BSN: variants seen among roughly 807,000 people sequenced by gnomAD.
BSN encodes the protein bassoon presynaptic cytomatrix protein.
Under a neutral mutation model 264.8 loss-of-function variants are expected in BSN, and 57 were observed. That is an observed-to-expected ratio of 0.22 (90% CI 0.17 to 0.27). BSN has a LOEUF of 0.27. Among genes scored for constraint, BSN ranks in the 10% least tolerant of loss-of-function variants. BSN has a pLI of 1.00. For synonymous variants in BSN, 2,059 were observed against 2,137.3 expected, an observed-to-expected ratio of 0.96 and a Z score of 1.01; for missense variants, 4,615 against 5,232.5, an observed-to-expected ratio of 0.88 and a Z score of 3.64.
In BSN at chr3:49,650,845, C is replaced by G; in HGVS notation, c.1752C>G (p.Ser584Arg). Residue 584 changes from serine (S) to arginine (R), a missense_variant, in exon 4 of 12, where the codon AGC (serine) becomes AGG (arginine). Around this residue, in one of 3 missense-constraint regions of BSN, gnomAD observed 1,197 missense variants for 1,348.0 expected, o/e 0.89. Transcript: ENST00000296452. ...CCACCAAGGCCAGCCCTCTGCCCAG[C>G]AAGGCCAGCCCCCAGGCCAAGCCCC... ...PLSTKASPLP[S>R]KASPQAKPLR... 6.2e-7 allele frequency: 1 copy of G among 1,614,188 alleles called. No individual in the cohort carries two copies. The highest frequency in any genetic ancestry group is 1.1e-5 in the South Asian group (1 of 91,088).
chr3:49,658,139 A>C lies in BSN; in HGVS notation c.8583A>C (p.Glu2861Asp). The C allele has an allele frequency of 6.2e-7, 1 of 1,606,148 alleles. No individual in the cohort carries two copies. Among genetic ancestry groups the C allele is most frequent in the South Asian group, 1.1e-5 (1 of 90,630 alleles). The change falls in exon 5 of 12, where the codon GAA becomes GAC. Residue 2861 changes from glutamate (E) to aspartate (D), a missense_variant. Physicochemically the swap from Glu to Asp is conservative, Grantham distance 45. Transcript: ENST00000296452. Reference sequence around the variant, plus strand: ...CTAAGCCCCTCAGCCCCACCGCCGAAGAGTCTGCCAAAGAGAGATTCTCCC... The same window carrying C: ...CTAAGCCCCTCAGCCCCACCGCCGACGAGTCTGCCAAAGAGAGATTCTCCC... ...SDPKPLSPTA[E>D]ESAKERFSLY...
intron 3 of BSN, among the ~76,000 whole-genome samples, chr3:49,647,059 G>A (rs2052507340): frequency 6.6e-6 from 1 of 152,226 alleles, no homozygotes; most frequent in Non-Finnish European, 1.5e-5. Context: ...GGCTGAGGGT[G>A]TTTAGGGCCA....
chr3:49,635,856 G>A (rs1471658058), intron 2 of BSN, among the ~76,000 whole-genome samples: 1 of 151,868 alleles, frequency 6.6e-6, no homozygotes, highest in Non-Finnish European at 1.5e-5. Context: ...CGCCATGCCT[G>A]TAGTCCCATC....
chr3:49,663,659 C>T lies in BSN; in HGVS notation c.11501C>T (p.Ala3834Val). The T allele has an allele frequency of 6.2e-7, 1 of 1,603,616 alleles. No homozygotes were observed. The highest frequency in any genetic ancestry group is 8.5e-7 in the Non-Finnish European group (1 of 1,173,836). Residue 3834 changes from alanine to valine, a missense_variant, in exon 7 of 12, where the codon GCA becomes GTA. By Grantham distance (64) the Ala-to-Val change is moderately conservative. Coordinates refer to ENST00000296452, the MANE Select transcript of BSN (RefSeq NM_003458.4). ...AGCACAGCCACAGGTCCTCAACCAG[C>T]AGGACCGGTAAGCAGAGCTCCCATG... ...GPSTATGPQP[A>V]GPPRAEQTNG...
intron 2 of BSN, among the ~76,000 whole-genome samples, chr3:49,631,864 A>T (rs368662989): frequency 2.6e-5 from 4 of 152,342 alleles, no homozygotes; most frequent in African/African-American, 7.2e-5. Context: ...GGCCCTTCAA[A>T]TAGCCAAAAT....
rs766552409 is a variant in BSN, at chr3:49,554,794, C to CCCCGGCCCCGGT, written c.201_212dup (p.Pro71_Gly74dup). The CCCCGGCCCCGGT allele has an allele frequency of 1.1e-5, 13 of 1,223,376 alleles. No individual in the cohort carries two copies. Among genetic ancestry groups the CCCCGGCCCCGGT allele is most frequent in the East Asian group, 9.7e-5 (3 of 31,000 alleles). The allele number at this position is 1,223,376 out of a possible 1,614,324, so 75.8% of individuals were successfully genotyped here. A position where few individuals can be genotyped will look rare whatever the true frequency, so the allele number is the denominator to read the frequency against. Reference sequence around the variant, plus strand: ...CGGTACCACCGGTCCCTGGCCCCGGCCCCGGCCCCGGTCCCGGCCCTGGCC... The same window carrying CCCCGGCCCCGGT: ...CGGTACCACCGGTCCCTGGCCCCGGCCCCGGCCCCGGTCCCGGCCCCGGTCCCGGCCCTGGCC... On this transcript the variant is annotated inframe_insertion, in exon 1 of 12. Coordinates refer to ENST00000296452, the MANE Select transcript of BSN (RefSeq NM_003458.4).
intron 3 of BSN, among the ~76,000 whole-genome samples, chr3:49,645,046 C>G (rs949832512): frequency 6.6e-6 from 1 of 152,158 alleles, no homozygotes. Context: ...GGTGTTCCCC[C>G]CATCACACCT....
chr3:49,605,139 A>G (rs1034544104), intron 1 of BSN, among the ~76,000 whole-genome samples: 1 of 147,900 alleles, frequency 6.8e-6, no homozygotes, highest in African/African-American at 2.5e-5. Context: ...GGGTGCCTGT[A>G]ATCATAGCTA....
intron 1 of BSN, among the ~76,000 whole-genome samples, chr3:49,561,298 C>A (rs959138799): frequency 6.6e-6 from 1 of 152,154 alleles, no homozygotes; most frequent in Non-Finnish European, 1.5e-5. Context: ...CTGAGGAGAT[C>A]CAAGAGCCTC....
At chr3:49,571,954 A>G (rs181980381) in intron 1 of BSN, among the ~76,000 whole-genome samples, 4 of 152,268 alleles carry the variant, frequency 2.6e-5, no homozygotes, top group Admixed American at 2.6e-4. Flanking sequence ...AGCACATATC[A>G]TTTTGAGAAT....
intron 1 of BSN, among the ~76,000 whole-genome samples, chr3:49,586,538 A>C (rs1336946314): frequency 6.6e-6 from 1 of 152,116 alleles, no homozygotes; most frequent in Non-Finnish European, 1.5e-5. Context: ...ACAGGGTTTC[A>C]CCATGTTGCC....
intron 1 of BSN, among the ~76,000 whole-genome samples, chr3:49,605,531 A>T (rs1235951964): frequency 1.8e-4 from 1 of 5,542 alleles, no homozygotes; most frequent in African/African-American, 1.0e-3. Flanking sequence ...TATAATATAT[A>T]ATATATATTA....
At chr3:49,633,337 A>G (rs866628966) in intron 2 of BSN, among the ~76,000 whole-genome samples, 4 of 152,152 alleles carry the variant, frequency 2.6e-5, no homozygotes, top group Non-Finnish European at 2.9e-5. Flanking sequence ...AAGATACTCA[A>G]CATGACTAAT....
chr3:49,557,768 G>A (rs1378285626), intron 1 of BSN, among the ~76,000 whole-genome samples: 1 of 152,044 alleles, frequency 6.6e-6, no homozygotes. Flanking sequence ...TAGTAGAGAT[G>A]GGATTTCACC....
chr3:49,580,105 TA>T (rs1242686485), intron 1 of BSN, among the ~76,000 whole-genome samples: 2 of 152,188 alleles, frequency 1.3e-5, no homozygotes, highest in African/African-American at 2.4e-5. Context: ...TTGATTATTT[TA>T]TTTTGTTTAT....
At chr3:49,630,090 G>A (rs1383393762) in intron 2 of BSN, among the ~76,000 whole-genome samples, 1 of 152,244 alleles carries the variant, frequency 6.6e-6, no homozygotes, top group Non-Finnish European at 1.5e-5. Context: ...CAGATGGCTC[G>A]GGGGTGGTGC....
intron 1 of BSN, among the ~76,000 whole-genome samples, chr3:49,579,864 A>ATGGT (rs1327395611): frequency 6.7e-6 from 1 of 150,250 alleles, no homozygotes; most frequent in Non-Finnish European, 1.5e-5. Context: ...ATCTTGATAG[A>ATGGT]TGGTTTTTGT....
rs1431312669 is a variant in BSN, at chr3:49,585,206, TTTTAA to T, written c.224+30384_224+30388del. ...GTAGCCCAATTTTTAGTTGTTTTTT[TTTTAA>T]TTTTAATTTTTATTTTATTGAATTA... On this transcript the variant is annotated intron_variant, in intron 1 of 11. Coordinates refer to ENST00000296452, the MANE Select transcript of BSN (RefSeq NM_003458.4). The surrounding 1 kb of genome is among the most constrained non-coding windows in gnomAD (Gnocchi z 4.7). Among the ~76,000 whole-genome samples, 1 of 151,350 alleles carries T rather than the reference TTTTAA, an allele frequency of 6.6e-6. No individual in the cohort carries two copies.
In BSN at chr3:49,656,003, T is replaced by C. The variant is rs1189278269; in HGVS notation, c.6447T>C (p.Leu2149=). The change falls in exon 5 of 12, where the codon CTT becomes CTC. Residue 2149 remains leucine, a synonymous_variant. Coordinates refer to ENST00000296452, the MANE Select transcript of BSN (RefSeq NM_003458.4). Reference sequence around the variant, plus strand: ...TGGTTCCCCTCAGACCTGGACTCCTTGGTAACCCCACCTTTCCAGAGGGCC... The same window carrying C: ...TGGTTCCCCTCAGACCTGGACTCCTCGGTAACCCCACCTTTCCAGAGGGCC... ...QSLVPLRPGL[L]GNPTFPEGHP... is the part of the protein sequence containing the mutation. The C allele has an allele frequency of 6.2e-7, 1 of 1,604,096 alleles. No individual in the cohort carries two copies. Among genetic ancestry groups the C allele is most frequent in the East Asian group, 2.2e-5 (1 of 44,696 alleles).
Sources: allele counts gnomAD v4.1 joint callset (sites outside exome capture counted in the v4.1 genomes callset), GRCh38; gene constraint gnomAD v4.1.1; regional missense constraint gnomAD v4.1.1; non-coding constraint Gnocchi (gnomAD v3.1); transcripts MANE v1.5; gene names NCBI Gene and HGNC (gene_info 2026-07-23, HGNC 2026-07-21).